NELL1: variants seen among roughly 807,000 people sequenced by gnomAD.
NELL1 encodes the protein neural EGFL like 1, also known as protein kinase C-binding protein NELL1.
A neutral mutation model predicts 107.4 loss-of-function variants in NELL1; 76 were observed. That is an observed-to-expected ratio of 0.71 (90% CI 0.59 to 0.86). NELL1 has a LOEUF of 0.86. NELL1 is among the 40% of genes least tolerant of loss of function. The pLI is 0.00. For missense variants in NELL1, 1,024 were observed against 1,005.5 expected, an observed-to-expected ratio of 1.02 and a Z score of -0.25; for synonymous variants, 353 against 341.2, an observed-to-expected ratio of 1.03 and a Z score of -0.38.
intron 15 of NELL1, among the ~76,000 whole-genome samples, chr11:21,454,632 G>A (rs1853674935): frequency 6.6e-6 from 1 of 152,212 alleles, no homozygotes; most frequent in Non-Finnish European, 1.5e-5. Flanking sequence ...AGACTGAGTG[G>A]TTTAAATGAC....
chr11:21,005,514 T>A (rs2134279323), intron 12 of NELL1, among the ~76,000 whole-genome samples: 1 of 152,308 alleles, frequency 6.6e-6, no homozygotes, highest in Admixed American at 6.5e-5. Context: ...GGGGTGCTGC[T>A]GCTTGATTGC....
At chr11:20,875,081 A>G (rs1849277326) in intron 4 of NELL1, among the ~76,000 whole-genome samples, 1 of 152,216 alleles carries the variant, frequency 6.6e-6, no homozygotes, top group African/African-American at 2.4e-5. Context: ...ATAAAATGAG[A>G]TAATTACTTT....
chr11:21,460,385 A>C (rs1363110688), intron 15 of NELL1, among the ~76,000 whole-genome samples: 1 of 152,100 alleles, frequency 6.6e-6, no homozygotes, highest in Non-Finnish European at 1.5e-5. Context: ...AAGAGCCTGC[A>C]GCCTTTTCTC....
At chr11:21,106,046 C>T (rs1445307134) in intron 12 of NELL1, among the ~76,000 whole-genome samples, 1 of 149,958 alleles carries the variant, frequency 6.7e-6, no homozygotes, top group Non-Finnish European at 1.5e-5. Context: ...TGCCTTAAGG[C>T]ACAGACCTCC....
intron 12 of NELL1, among the ~76,000 whole-genome samples, chr11:20,990,824 T>C (rs1052936790): frequency 6.6e-6 from 1 of 152,218 alleles, no homozygotes; most frequent in African/African-American, 2.4e-5. Context: ...GTACTTGGCT[T>C]CATTTCATCC....
chr11:21,326,802 G>T, intron 14 of NELL1, among the ~76,000 whole-genome samples: 1 of 150,412 alleles, frequency 6.6e-6, no homozygotes, highest in African/African-American at 2.5e-5. Context: ...TTTGTCTTCT[G>T]GCTTTGAAAA....
At chr11:20,760,041 A>C (rs1205563822) in intron 2 of NELL1, among the ~76,000 whole-genome samples, 6 of 152,184 alleles carry the variant, frequency 3.9e-5, no homozygotes, top group Non-Finnish European at 8.8e-5. Flanking sequence ...ACAGGCTACT[A>C]TCATAATGAA....
At chr11:20,964,947 C>A (rs1181366808) in intron 12 of NELL1, among the ~76,000 whole-genome samples, 2 of 151,982 alleles carry the variant, frequency 1.3e-5, no homozygotes, top group Non-Finnish European at 2.9e-5. Flanking sequence ...GAGAAATAAT[C>A]TTGTATGCCA....
At chr11:20,686,925 G>A (rs911345422) in intron 2 of NELL1, among the ~76,000 whole-genome samples, 2 of 147,514 alleles carry the variant, frequency 1.4e-5, no homozygotes, top group African/African-American at 5.1e-5. Flanking sequence ...TGTGTATAGG[G>A]GCTTCAGTTT....
At position 21,008,540 on chromosome 11, in the gene NELL1, CAT is replaced by C. The variant is rs1009972439; in HGVS notation, c.1300+47981_1300+47982del. On this transcript the variant is annotated intron_variant, in intron 12 of 19. Coordinates refer to ENST00000357134, the MANE Select transcript of NELL1 (RefSeq NM_006157.5). ...TAGAATCATAGTAGGTGCTGAAAAA[CAT>C]GTTTATTGAGTCAATGAATGAATGG... Among the ~76,000 whole-genome samples the C allele has an allele frequency of 3.3e-5, 5 of 152,106 alleles. No homozygotes were observed. In the South Asian group the frequency reaches 8.3e-4, roughly 25 times the overall value.
chr11:21,491,421 G>C (rs1042981124), intron 15 of NELL1, among the ~76,000 whole-genome samples: 2 of 152,142 alleles, frequency 1.3e-5, no homozygotes, highest in African/African-American at 4.8e-5. Flanking sequence ...CATATGGCTA[G>C]CCAGTTTTCC....
chr11:20,815,911 G>T (rs928479322), intron 3 of NELL1, among the ~76,000 whole-genome samples: 1 of 152,058 alleles, frequency 6.6e-6, no homozygotes, highest in African/African-American at 2.4e-5. Flanking sequence ...TGAATGGGGA[G>T]CCCTTTCCCC....
chr11:20,779,321 C>T (rs1856811037), intron 2 of NELL1, among the ~76,000 whole-genome samples: 1 of 152,182 alleles, frequency 6.6e-6, no homozygotes, highest in Non-Finnish European at 1.5e-5. Flanking sequence ...TTGTAAGTAA[C>T]ACTCTTATTC....
chr11:20,682,426 A>C (rs1023909020), intron 2 of NELL1, among the ~76,000 whole-genome samples: 2 of 151,958 alleles, frequency 1.3e-5, no homozygotes, highest in African/African-American at 2.4e-5. Flanking sequence ...ATTAATTGGT[A>C]TTTTACACTT....
intron 3 of NELL1, among the ~76,000 whole-genome samples, chr11:20,801,007 G>T (rs1319036696): frequency 6.6e-6 from 1 of 151,934 alleles, no homozygotes; most frequent in African/African-American, 2.4e-5. Flanking sequence ...GAAGTGATTT[G>T]GTCTAAAAAA....
chr11:20,928,427 C>T lies in NELL1; in HGVS notation c.945C>T (p.Ser315=). 3 of 1,614,038 alleles carry T rather than the reference C, an allele frequency of 1.9e-6. No individual in the cohort carries two copies. Among genetic ancestry groups the T allele is most frequent in the Non-Finnish European group, 2.5e-6 (3 of 1,179,954 alleles). The change falls in exon 9 of 20, where the codon TCC becomes TCT. Residue 315 remains serine (S), a synonymous_variant. Transcript: ENST00000357134. ...TGTCCTGTCCCCCTCTCAATTGCTC[C>T]CCAGACTCCCTCCCAGTGCACATTG... The part of the protein sequence containing the change: ...RRMSCPPLNC[S]PDSLPVHIAG...
At chr11:20,885,921 G>A (rs970109749) in intron 5 of NELL1, among the ~76,000 whole-genome samples, 5 of 152,214 alleles carry the variant, frequency 3.3e-5, no homozygotes, top group African/African-American at 9.7e-5. Context: ...CAGATTATAT[G>A]TTAATTCAGT....
intron 2 of NELL1, among the ~76,000 whole-genome samples, chr11:20,776,535 C>A (rs966440684): frequency 9.9e-5 from 15 of 151,968 alleles, no homozygotes; most frequent in Non-Finnish European, 1.8e-4. Context: ...TATACATAAT[C>A]TCTGACAATT....
At chr11:21,323,182 G>T (rs1338317719) in intron 14 of NELL1, among the ~76,000 whole-genome samples, 1 of 152,174 alleles carries the variant, frequency 6.6e-6, no homozygotes, top group Non-Finnish European at 1.5e-5. Context: ...TCTTTCACTT[G>T]ATGGAGAAAT....
Sources: gnomAD v4.1 joint callset for allele counts (sites outside exome capture counted in the v4.1 genomes callset) on GRCh38, gnomAD v4.1.1 for gene constraint, MANE v1.5 for transcripts, NCBI Gene and HGNC (gene_info 2026-07-23, HGNC 2026-07-21) for gene names.